SYNE1: variants seen among roughly 807,000 people sequenced by gnomAD.
SYNE1 encodes nesprin-1.
SYNE1 carries 616 observed loss-of-function variants against 1,111.0 expected under a neutral mutation model. That is an observed-to-expected ratio of 0.55 (90% CI 0.52 to 0.59). The LOEUF is 0.59. Ranked by LOEUF, SYNE1 falls within the 20% of genes least tolerant of loss-of-function variation. SYNE1 has a pLI of 0.00. For synonymous variants in SYNE1, 3,855 were observed against 3,825.8 expected, an observed-to-expected ratio of 1.01 and a Z score of -0.28; for missense variants, 10,006 against 10,417.0, an observed-to-expected ratio of 0.96 and a Z score of 1.72.
chr6:152,213,193 G>A (rs191907185), intron 123 of SYNE1, among the ~76,000 whole-genome samples: 179 of 152,196 alleles, frequency 1.2e-3, no homozygotes, highest in Non-Finnish European at 2.1e-3. Flanking sequence ...ATTCATATAC[G>A]CTCTTTGAAG....
intron 3 of SYNE1, among the ~76,000 whole-genome samples, chr6:152,545,475 G>T (rs140041799): frequency 5.3e-4 from 81 of 152,264 alleles, no homozygotes; most frequent in African/African-American, 1.9e-3. Context: ...AGCTACTCGG[G>T]AGGCTAAGAA....
At chr6:152,355,045 C>T (rs1230082291) in intron 66 of SYNE1, 69 bp from the exon 67 acceptor site, 1 of 1,565,980 alleles carries the variant, frequency 6.4e-7, no homozygotes, top group Non-Finnish European at 8.7e-7. Context: ...GCATGTCTTG[C>T]CCAAGCCAAC....
chr6:152,280,427 AT>A lies in SYNE1; in HGVS notation c.18381+1379del, dbSNP rs910372091. Among the ~76,000 whole-genome samples the A allele has an allele frequency of 2.3e-3, 338 of 148,916 alleles. 2 individuals are homozygous for A. Among genetic ancestry groups the A allele is most frequent in the African/African-American group, 7.8e-3 (315 of 40,568 alleles). ...AATTCAGAAACTTTCTTAAAATGTTATTTTTTTTTTGTAATTTTTTTTTAAG... is the reference window on the plus strand; with the variant it reads ...AATTCAGAAACTTTCTTAAAATGTTATTTTTTTTTGTAATTTTTTTTTAAG... On this transcript the variant is annotated intron_variant, in intron 97 of 145. Coordinates refer to ENST00000367255, the MANE Select transcript of SYNE1 (RefSeq NM_182961.4).
Position 152,283,912 on chromosome 6 carries a change from T to C in SYNE1, c.18207+66A>G, listed in dbSNP as rs1045998444. 35 of 1,296,814 alleles carry C rather than the reference T, an allele frequency of 2.7e-5. No individual in the cohort carries two copies. In the Admixed American group the frequency reaches 5.2e-4, roughly 19 times the overall value. 80.3% of individuals were successfully genotyped at this position (1,296,814 alleles called of 1,614,324 possible). A position where few individuals can be genotyped will look rare whatever the true frequency, so the allele number is the denominator to read the frequency against. On this transcript the variant is annotated intron_variant, in intron 96 of 145. Transcript: ENST00000367255. The stretch of plus-strand genomic sequence containing the variant: ...AATGTAAATACGTAAGTAACCCACA[T>C]ACTTGGTAACACAACGTTAAAAGTT...
At chr6:152,207,927 T>C in intron 125 of SYNE1, 45 bp downstream of exon 125, 1 of 1,601,404 alleles carries the variant, frequency 6.2e-7, no homozygotes, top group Non-Finnish European at 8.6e-7. Flanking sequence ...AAGTGTGCGG[T>C]GGAAATGCCT....
In SYNE1 at chr6:152,435,671, G is replaced by A. The variant is rs553639556; in HGVS notation, c.4310+270C>T. The A allele has an allele frequency of 3.3e-5, 17 of 507,986 alleles. No individual in the cohort carries two copies. In the East Asian group the frequency reaches 4.6e-4, roughly 14 times the overall value. 31.5% of individuals were successfully genotyped at this position (507,986 alleles called of 1,614,324 possible). ...CAAGATTCCCTCTACAATGTACAAAGGCCACAGAATAGAATAGATATGGCT... is the reference window on the plus strand; with the variant it reads ...CAAGATTCCCTCTACAATGTACAAAAGCCACAGAATAGAATAGATATGGCT... On this transcript the variant is annotated intron_variant, in intron 33 of 145. Transcript: ENST00000367255.
chr6:152,616,844 G>A (rs1390636246), intron 3 of SYNE1, among the ~76,000 whole-genome samples: 5 of 152,062 alleles, frequency 3.3e-5, no homozygotes, highest in African/African-American at 9.7e-5. Flanking sequence ...GACCTGAGTG[G>A]TTGCACAGGG....
At chr6:152,630,347 T>C (rs2099695948) in intron 2 of SYNE1, among the ~76,000 whole-genome samples, 2 of 152,178 alleles carry the variant, frequency 1.3e-5, no homozygotes, top group Non-Finnish European at 2.9e-5. Context: ...TGGTGTCTTA[T>C]AGGCTAGAGA....
chr6:152,125,231 T>C lies in SYNE1; in HGVS notation c.26154-2555A>G, dbSNP rs557114221. On this transcript the variant is annotated intron_variant, in intron 145 of 145. Coordinates refer to ENST00000367255, the MANE Select transcript of SYNE1 (RefSeq NM_182961.4). ...TTTTGCTGGTTGGTGATAGGAATAA[T>C]GGTAATGGTAATTCAGGTCGTATTC... 7 of 1,546,748 alleles carry C rather than the reference T, an allele frequency of 4.5e-6. No individual in the cohort carries two copies. In the East Asian group the frequency reaches 9.8e-5, roughly 22 times the overall value.
chr6:152,336,083 A>T (rs1387008016), intron 76 of SYNE1: 1 of 152,040 alleles, frequency 6.6e-6, no homozygotes, highest in Non-Finnish European at 1.5e-5. Flanking sequence ...ATATAGCTCA[A>T]ATATATAACT....
At chr6:152,481,525 C>A in intron 14 of SYNE1, 1 of 451,954 alleles carries the variant, frequency 2.2e-6, no homozygotes, top group Non-Finnish European at 4.4e-6. Flanking sequence ...ATGTAAGAAA[C>A]ATGCACATGT....
At position 152,310,399 on chromosome 6, in the gene SYNE1, C is replaced by A. The variant is rs573806608; in HGVS notation, c.17016G>T (p.Arg5672=). The A allele has an allele frequency of 1.1e-5, 17 of 1,614,112 alleles. No homozygotes were observed. The East Asian group carries it at 3.3e-4, about 32-fold the overall frequency. The change falls in exon 89 of 146, where the codon CGG becomes CGT. Residue 5672 remains arginine, a synonymous_variant. Transcript: ENST00000367255. ...RLSLKEQLSH[R]QHLLSEMESL... ...ACTCCAAGTTAGTTTGGCTTACCTG[C>A]CGATGAGAGAGCTGCTCCTTGAGAC...
intron 89 of SYNE1, 104 bp from the exon 90 acceptor site, chr6:152,310,121 C>CAAA: frequency 9.3e-7 from 1 of 1,078,070 alleles, no homozygotes; most frequent in Non-Finnish European, 1.3e-6. Context: ...AAACATTTTG[C>CAAA]AAAAAAAAAA....
chr6:152,224,012 G>A (rs1454560132), intron 117 of SYNE1, among the ~76,000 whole-genome samples: 1 of 152,188 alleles, frequency 6.6e-6, no homozygotes, highest in Non-Finnish European at 1.5e-5. Flanking sequence ...AGCAGTAAGT[G>A]CTAGAAAGGA....
intron 131 of SYNE1, among the ~76,000 whole-genome samples, chr6:152,159,343 T>C (rs1450213981): frequency 6.6e-6 from 1 of 152,206 alleles, no homozygotes; most frequent in Non-Finnish European, 1.5e-5. Context: ...CAAATAGTTA[T>C]GGCTTTGTCC....
At chr6:152,376,352 C>A in intron 58 of SYNE1, 29 bp downstream of exon 58, 1 of 1,611,488 alleles carries the variant, frequency 6.2e-7, no homozygotes, top group Non-Finnish European at 8.5e-7. Flanking sequence ...ATCAGCACTG[C>A]TACTAGAATT....
chr6:152,343,025 CA>C (rs2096563134), intron 74 of SYNE1, among the ~76,000 whole-genome samples: 2 of 152,010 alleles, frequency 1.3e-5, no homozygotes, highest in Admixed American at 1.3e-4. Context: ...TTATAAATGT[CA>C]CTTTTGATAG....
chr6:152,594,443 A>G (rs745796519), intron 3 of SYNE1, among the ~76,000 whole-genome samples: 3 of 152,218 alleles, frequency 2.0e-5, no homozygotes, highest in Non-Finnish European at 4.4e-5. Context: ...TGCTCTATCC[A>G]AAGATGGACA....
intron 5 of SYNE1, among the ~76,000 whole-genome samples, chr6:152,522,773 T>C (rs551904612): frequency 3.3e-5 from 5 of 152,302 alleles, no homozygotes; most frequent in East Asian, 1.9e-4. Flanking sequence ...TGGTATCTCA[T>C]TGTGGTTTTA....
Sources: allele counts gnomAD v4.1 joint callset (sites outside exome capture counted in the v4.1 genomes callset), GRCh38; gene constraint gnomAD v4.1.1; transcripts MANE v1.5; gene names NCBI Gene and HGNC (gene_info 2026-07-23, HGNC 2026-07-21).